Variants in STAU2 observed in about 807,000 individuals in gnomAD.
STAU2 encodes the protein staufen double-stranded RNA binding protein 2.
STAU2 carries 20 observed loss-of-function variants against 65.9 expected under a neutral mutation model. The ratio of observed to expected loss-of-function variants is 0.30; its 90% confidence interval spans 0.21 to 0.44. The LOEUF (loss-of-function observed/expected upper bound fraction) is 0.44. Ranked by LOEUF, STAU2 falls within the 20% of genes least tolerant of loss-of-function variation. STAU2 has a pLI of 1.00. For synonymous variants in STAU2, 232 were observed against 233.9 expected, an observed-to-expected ratio of 0.99 and a Z score of 0.07; for missense variants, 558 against 683.9, an observed-to-expected ratio of 0.82 and a Z score of 2.05.
chr8:73,463,155 C>A (rs959038264), intron 13 of STAU2, among the ~76,000 whole-genome samples: 1 of 152,148 alleles, frequency 6.6e-6, no homozygotes, highest in Non-Finnish European at 1.5e-5. Context: ...TAGAAAGTGA[C>A]AAGATGAACA....
chr8:73,454,579 C>T (rs1447022693), intron 13 of STAU2, among the ~76,000 whole-genome samples: 1 of 152,136 alleles, frequency 6.6e-6, no homozygotes, highest in Admixed American at 6.5e-5. Context: ...GAATGGGGTC[C>T]TAGGTCACTC....
intron 13 of STAU2, among the ~76,000 whole-genome samples, chr8:73,543,614 C>T (rs999474026): frequency 6.6e-6 from 1 of 152,178 alleles, no homozygotes; most frequent in Non-Finnish European, 1.5e-5. Context: ...TGCACCTACA[C>T]CAAACCCTCC....
intron 13 of STAU2, among the ~76,000 whole-genome samples, chr8:73,536,968 T>C (rs1806222763): frequency 6.6e-6 from 1 of 152,210 alleles, no homozygotes; most frequent in African/African-American, 2.4e-5. Context: ...GCCAACAAGA[T>C]GTCACAGATG....
At position 73,703,355 on chromosome 8, in the gene STAU2, GC is replaced by G. The variant is rs573422726; in HGVS notation, c.114+5676del. The stretch of plus-strand genomic sequence containing the variant: ...CCACCATGATTGGAAGCATCCTGAG[GC>G]CCCCCCAAAAGCAGATGCTGCTATG... On this transcript the variant is annotated intron_variant, in intron 4 of 14. Transcript: ENST00000524300. Among the ~76,000 whole-genome samples the G allele has an allele frequency of 1.2e-3, 176 of 151,946 alleles. 1 individual carries two copies. Among genetic ancestry groups the G allele is most frequent in the Admixed American group, 4.7e-3 (71 of 15,228 alleles).
chr8:73,703,561 C>T (rs1391664985), intron 4 of STAU2, among the ~76,000 whole-genome samples: 1 of 152,104 alleles, frequency 6.6e-6, no homozygotes, highest in Admixed American at 6.6e-5. Context: ...ACCAAAATAT[C>T]CATCAACAGA....
chr8:73,433,080 AC>A (rs1817419880), intron 13 of STAU2, among the ~76,000 whole-genome samples: 3 of 152,234 alleles, frequency 2.0e-5, no homozygotes, highest in Admixed American at 1.3e-4. Flanking sequence ...AGCAGGAGTA[AC>A]TGCACAGAAT....
At chr8:73,552,672 A>G (rs527426895) in intron 12 of STAU2, among the ~76,000 whole-genome samples, 39 of 152,186 alleles carry the variant, frequency 2.6e-4, no homozygotes, top group Non-Finnish European at 5.4e-4. Context: ...TTAATATTTT[A>G]TATCTCATAA....
At chr8:73,577,232 T>G (rs919728902) in intron 12 of STAU2, among the ~76,000 whole-genome samples, 2 of 151,880 alleles carry the variant, frequency 1.3e-5, no homozygotes, top group Admixed American at 1.3e-4. Flanking sequence ...ATCGAGACCA[T>G]CCTGGCTAAC....
chr8:73,597,498 C>CAAAAAAAAAA (rs1259337727), intron 10 of STAU2, among the ~76,000 whole-genome samples: 3 of 115,650 alleles, frequency 2.6e-5, no homozygotes, highest in African/African-American at 1.0e-4. Context: ...ACTAAAAATA[C>CAAAAAAAAAA]AAAAATAAAA....
At chr8:73,514,624 A>G (rs1020026028) in intron 13 of STAU2, among the ~76,000 whole-genome samples, 20 of 152,210 alleles carry the variant, frequency 1.3e-4, no homozygotes. Context: ...CTCCTAAAAG[A>G]AGCTTAATCA....
intron 13 of STAU2, among the ~76,000 whole-genome samples, chr8:73,544,440 T>G (rs1288036206): frequency 6.6e-6 from 1 of 152,188 alleles, no homozygotes; most frequent in African/African-American, 2.4e-5. Context: ...GTCTAATGGC[T>G]AAAAAAATTC....
intron 13 of STAU2, among the ~76,000 whole-genome samples, chr8:73,480,822 A>C (rs1385803004): frequency 2.6e-5 from 4 of 152,182 alleles, no homozygotes. Flanking sequence ...AAAATGAAGC[A>C]GTTACTTCCA....
intron 4 of STAU2, among the ~76,000 whole-genome samples, chr8:73,704,318 C>T (rs1316418242): frequency 2.6e-5 from 4 of 152,010 alleles, no homozygotes; most frequent in African/African-American, 9.7e-5. Flanking sequence ...ATAAAAGAGA[C>T]CAAAGAGACA....
intron 3 of STAU2, among the ~76,000 whole-genome samples, chr8:73,713,857 A>G (rs1374761663): frequency 6.6e-6 from 1 of 152,108 alleles, no homozygotes; most frequent in East Asian, 1.9e-4. Flanking sequence ...AAATCATTCC[A>G]AAGAATCCTT....
chr8:73,546,123 C>CTTT lies in STAU2; in HGVS notation c.1530+5886_1530+5888dup, dbSNP rs71561528. On this transcript the variant is annotated intron_variant, in intron 13 of 14. Coordinates refer to ENST00000524300, the MANE Select transcript of STAU2 (RefSeq NM_001164380.2). ...GCCTGGCTAATTTTTGTTTGGTTTTCTTTTTTTTTTTTTTTTTTTTTTTGG... is the reference window on the plus strand; with the variant it reads ...GCCTGGCTAATTTTTGTTTGGTTTTCTTTTTTTTTTTTTTTTTTTTTTTTTTGG... Among the ~76,000 whole-genome samples the CTTT allele has an allele frequency of 5.3e-3, 490 of 93,302 alleles. 16 individuals carry two copies. Among genetic ancestry groups the CTTT allele is most frequent in the East Asian group, 0.012 (37 of 2,992 alleles). The allele number at this position is 93,302 out of a possible 152,430, so 61.2% of individuals were successfully genotyped here.
intron 2 of STAU2, 57 bp from the exon 3 acceptor site, chr8:73,738,406 GTATTT>G: frequency 1.6e-6 from 2 of 1,265,968 alleles, no homozygotes; most frequent in Non-Finnish European, 1.1e-6. Flanking sequence ...TCAATGACTG[GTATTT>G]TAAACACATG....
At chr8:73,747,144 C>T (rs1807346826), upstream of STAU2, among the ~76,000 whole-genome samples, 2 of 151,924 alleles carry the variant, frequency 1.3e-5, no homozygotes, top group South Asian at 2.1e-4. Context: ...CTAGCGGCGG[C>T]GAGCTGGGCC....
At chr8:73,623,123 TAAAGG>T (rs1813384530) in intron 6 of STAU2, among the ~76,000 whole-genome samples, 1 of 152,174 alleles carries the variant, frequency 6.6e-6, no homozygotes, top group African/African-American at 2.4e-5. Context: ...TTTTTTTGAG[TAAAGG>T]AAAGATTTTA....
chr8:73,422,726 G>A (rs1306216129), intron 13 of STAU2, 24 bp from the exon 14 acceptor site: 3 of 1,423,496 alleles, frequency 2.1e-6, no homozygotes, highest in Non-Finnish European at 2.8e-6. Context: ...CAAACAGAGA[G>A]AGCCATTCAC....
Sources: allele counts gnomAD v4.1 joint callset (sites outside exome capture counted in the v4.1 genomes callset), GRCh38; gene constraint gnomAD v4.1.1; transcripts MANE v1.5; gene names NCBI Gene and HGNC (gene_info 2026-07-23, HGNC 2026-07-21).